The following NID2 variants were observed in gnomAD, a reference collection of about 807,000 sequenced individuals.
NID2 encodes the protein nidogen-2.
NID2 carries 83 observed loss-of-function variants against 145.4 expected under a neutral mutation model. The observed-to-expected ratio is 0.57, with a 90% confidence interval of 0.48 to 0.69. The LOEUF (loss-of-function observed/expected upper bound fraction) is 0.69, where lower values mean the gene tolerates loss of function less well. Among genes scored for constraint, NID2 ranks in the 30% least tolerant of loss-of-function variants. NID2 has a pLI of 0.00. For synonymous variants in NID2, 739 were observed against 701.3 expected (o/e 1.05, Z -0.85); for missense variants, 1,807 against 1,765.7 (o/e 1.02, Z -0.42).
intron 11 of NID2, 25 bp from the exon 12 acceptor site, chr14:52,027,369 A>G: frequency 6.7e-7 from 1 of 1,501,376 alleles, no homozygotes; most frequent in South Asian, 1.3e-5. Context: ...AGATAAGGGC[A>G]TCCAGAGTTT....
chr14:52,012,665 G>T (rs1256077805), intron 16 of NID2, among the ~76,000 whole-genome samples: 1 of 150,654 alleles, frequency 6.6e-6, no homozygotes, highest in Non-Finnish European at 1.5e-5. Flanking sequence ...CCAACCTCTG[G>T]CTAGTGAGGT....
At chr14:52,014,603 G>A (rs1891151109) in intron 15 of NID2, 147 bp from the exon 16 acceptor site, 1 of 846,668 alleles carries the variant, frequency 1.2e-6, no homozygotes. Flanking sequence ...TTCTTCAAAA[G>A]AAATTCTAAT....
intron 5 of NID2, among the ~76,000 whole-genome samples, chr14:52,050,899 G>C (rs574525818): frequency 3.9e-5 from 6 of 152,340 alleles, no homozygotes; most frequent in Admixed American, 2.0e-4. Flanking sequence ...TCACTTTAGA[G>C]CAGCAGGCTG....
intron 9 of NID2, among the ~76,000 whole-genome samples, chr14:52,034,670 C>G (rs1419005570): frequency 2.0e-5 from 3 of 152,180 alleles, no homozygotes; most frequent in Non-Finnish European, 2.9e-5. Context: ...CTTTATTGAG[C>G]CTGCTGAGGC....
chr14:52,041,679 A>T (rs901426696), intron 7 of NID2, among the ~76,000 whole-genome samples: 3 of 152,096 alleles, frequency 2.0e-5, no homozygotes, highest in African/African-American at 7.2e-5. Context: ...TCTGGGGTGC[A>T]CCGGCCTATA....
At chr14:52,033,604 A>C (rs556560601) in intron 9 of NID2, among the ~76,000 whole-genome samples, 1 of 13,408 alleles carries the variant, frequency 7.5e-5, no homozygotes, top group East Asian at 2.9e-3. Context: ...GCTGTTTCAC[A>C]TGAATTCCAA....
rs543459922 is a variant in NID2 at position 52,066,001 on chromosome 14, G to A, written c.534+1857C>T. On this transcript the variant is annotated intron_variant, in intron 2 of 21. Transcript: ENST00000216286. Reference sequence around the variant, plus strand: ...TGTCTTTATAGCAGCATGATTTATAGTCCTTTGGGTATATACCCAGTAATG... The same window carrying A: ...TGTCTTTATAGCAGCATGATTTATAATCCTTTGGGTATATACCCAGTAATG... Among the ~76,000 whole-genome samples the A allele has an allele frequency of 4.5e-4, 68 of 151,204 alleles. No homozygotes were observed. The East Asian group carries it at 6.8e-3, about 15-fold the overall frequency.
At chr14:52,009,966 A>G (rs1317900788) in intron 18 of NID2, 1 of 152,202 alleles carries the variant, frequency 6.6e-6, no homozygotes, top group Non-Finnish European at 1.5e-5. Context: ...CAGCCTCGGC[A>G]ACAAAGCAAG....
chr14:52,032,430 G>C (rs79806606), intron 9 of NID2, among the ~76,000 whole-genome samples: 12,863 of 152,180 alleles, frequency 0.085, 594 homozygotes, highest in Middle Eastern at 0.13. Context: ...TGGATCTCTT[G>C]GCTGACAGGA....
At chr14:52,058,031 C>G (rs1892912635) in intron 3 of NID2, among the ~76,000 whole-genome samples, 1 of 152,160 alleles carries the variant, frequency 6.6e-6, no homozygotes, top group South Asian at 2.1e-4. Flanking sequence ...CTCAGCAATT[C>G]CACTTTTAAG....
At position 52,068,753 on chromosome 14, in the gene NID2, G is replaced by A; in HGVS notation, c.228+14C>T. On this transcript the variant is annotated intron_variant, in intron 1 of 21. Transcript: ENST00000216286. Reference sequence around the variant, plus strand: ...GAAGCTGCGGGAAAAGTGCCAGGAGGGGGCTGAACTTACGTAGAGGTTGCT... The same window carrying A: ...GAAGCTGCGGGAAAAGTGCCAGGAGAGGGCTGAACTTACGTAGAGGTTGCT... 4 of 1,590,946 alleles carry A rather than the reference G, an allele frequency of 2.5e-6. No homozygotes were observed. Among genetic ancestry groups the A allele is most frequent in the Non-Finnish European group, 3.4e-6 (4 of 1,170,946 alleles).
chr14:52,025,739 C>T (rs891246638), intron 12 of NID2, among the ~76,000 whole-genome samples: 2 of 152,026 alleles, frequency 1.3e-5, no homozygotes, highest in African/African-American at 4.8e-5. Context: ...AGTTCCATTC[C>T]CAAGATAACC....
intron 12 of NID2, among the ~76,000 whole-genome samples, chr14:52,021,400 T>C (rs965153995): frequency 1.3e-5 from 2 of 152,172 alleles, no homozygotes; most frequent in African/African-American, 4.8e-5. Flanking sequence ...CAGGCTCCCA[T>C]GACCCACATG....
At chr14:52,023,946 C>T (rs552507496) in intron 12 of NID2, among the ~76,000 whole-genome samples, 25 of 152,322 alleles carry the variant, frequency 1.6e-4, no homozygotes, top group African/African-American at 6.0e-4. Flanking sequence ...CAATGCATAG[C>T]ACCCACAAAA....
chr14:52,015,364 G>A, intron 14 of NID2, 89 bp from the exon 15 acceptor site: 2 of 1,243,576 alleles, frequency 1.6e-6, no homozygotes, highest in Non-Finnish European at 2.2e-6. Context: ...CCCATGCCTG[G>A]CCTCCTGGCC....
chr14:52,045,407 G>A (rs755507861), intron 5 of NID2, among the ~76,000 whole-genome samples: 5 of 152,156 alleles, frequency 3.3e-5, no homozygotes, highest in Non-Finnish European at 7.3e-5. Context: ...ATGAAGTTAT[G>A]ACTCAAGATT....
chr14:52,036,671 A>C (rs1048216820), intron 9 of NID2, among the ~76,000 whole-genome samples: 1 of 152,156 alleles, frequency 6.6e-6, no homozygotes, highest in African/African-American at 2.4e-5. Context: ...AACACTTGTT[A>C]TTACCCGTTT....
At position 52,068,844 on chromosome 14, in the gene NID2, C is replaced by A. The variant is rs1466782896; in HGVS notation, c.151G>T (p.Gly51Cys). The A allele has an allele frequency of 1.2e-6, 2 of 1,613,158 alleles. No homozygotes were observed. The highest frequency in any genetic ancestry group is 8.5e-7 in the Non-Finnish European group (1 of 1,180,032). ...ESWGDQLLQE[G>C]DDESSAVVKL... ...ACCACGGCTGAGCTTTCGTCGTCGC[C>A]TTCCTGCAGGAGCTGGTCCCCCCAC... Residue 51 changes from glycine (G) to cysteine (C), a missense_variant, in exon 1 of 22, where the codon GGC becomes TGC. By Grantham distance (159) the Gly-to-Cys change is radical. Transcript: ENST00000216286.
At chr14:52,043,058 G>T (rs1892344996) in intron 5 of NID2, 127 bp from the exon 6 acceptor site, 1 of 865,038 alleles carries the variant, frequency 1.2e-6, no homozygotes, top group Non-Finnish European at 1.8e-6. Context: ...ATGTTTAAGA[G>T]ACCGGCATAA....
Sources: allele counts gnomAD v4.1 joint callset (sites outside exome capture counted in the v4.1 genomes callset), GRCh38; gene constraint gnomAD v4.1.1; transcripts MANE v1.5; gene names NCBI Gene and HGNC (gene_info 2026-07-23, HGNC 2026-07-21).